Variants in IGSF11 observed in about 807,000 individuals in gnomAD.
IGSF11 encodes the protein immunoglobulin superfamily member 11, also known as CXADR like 1.
In IGSF11, 22 loss-of-function variants were observed where a neutral mutation model predicts 41.0. That is an observed-to-expected ratio of 0.54 (90% CI 0.38 to 0.77). The LOEUF is 0.77. Among genes scored for constraint, IGSF11 ranks in the 30% least tolerant of loss-of-function variants. IGSF11 has a pLI of 0.00. For missense variants in IGSF11, 444 were observed against 530.8 expected, an observed-to-expected ratio of 0.84 and a Z score of 1.61; for synonymous variants, 219 against 201.3, an observed-to-expected ratio of 1.09 and a Z score of -0.74.
intron 1 of IGSF11, among the ~76,000 whole-genome samples, chr3:118,998,275 T>G (rs1936465640): frequency 6.6e-6 from 1 of 152,112 alleles, no homozygotes; most frequent in East Asian, 1.9e-4. Flanking sequence ...TTACACTTGG[T>G]TTTAAATCAA....
At chr3:119,004,345 TTC>T (rs940505640) in intron 1 of IGSF11, among the ~76,000 whole-genome samples, 9 of 128,480 alleles carry the variant, frequency 7.0e-5, no homozygotes, top group South Asian at 2.6e-4. Flanking sequence ...TATTTGATTC[TTC>T]TCTCTTTTTT....
chr3:118,981,163 A>C (rs892480829), intron 1 of IGSF11, among the ~76,000 whole-genome samples: 7 of 151,932 alleles, frequency 4.6e-5, no homozygotes, highest in African/African-American at 1.7e-4. Context: ...TTTGGCATCC[A>C]TTTTATTTTA....
intron 1 of IGSF11, among the ~76,000 whole-genome samples, chr3:119,139,888 A>G (rs984885502): frequency 5.3e-5 from 8 of 152,234 alleles, no homozygotes; most frequent in African/African-American, 1.7e-4. Flanking sequence ...GGAACATAGT[A>G]TACTGGAGCA....
chr3:118,988,886 C>T (rs997317007), intron 1 of IGSF11, among the ~76,000 whole-genome samples: 4 of 152,194 alleles, frequency 2.6e-5, no homozygotes, highest in Non-Finnish European at 4.4e-5. Context: ...CACGTTACAA[C>T]ATTAATATCT....
intron 1 of IGSF11, among the ~76,000 whole-genome samples, chr3:119,045,936 G>C (rs953747614): frequency 1.3e-5 from 2 of 151,992 alleles, no homozygotes; most frequent in African/African-American, 4.8e-5. Flanking sequence ...TGAGGGTCCT[G>C]TCTGTTAGAA....
intron 1 of IGSF11, among the ~76,000 whole-genome samples, chr3:119,016,996 C>T (rs1222501827): frequency 7.9e-6 from 1 of 126,996 alleles, no homozygotes; most frequent in Non-Finnish European, 1.6e-5. Context: ...TTACAGTAAA[C>T]AGATATGGGC....
intron 1 of IGSF11, among the ~76,000 whole-genome samples, chr3:119,044,285 C>T (rs547439148): frequency 6.6e-6 from 1 of 152,038 alleles, no homozygotes; most frequent in South Asian, 2.1e-4. Context: ...TTTCAGCAAT[C>T]AAATCGAACA....
At position 118,902,654 on chromosome 3, in the gene IGSF11, T is replaced by C. The variant is rs1467782435; in HGVS notation, c.1162A>G (p.Ser388Gly). The change falls in exon 7 of 7, where the codon AGC becomes GGC. Residue 388 changes from serine (S) to glycine (G), a missense_variant. Physicochemically the swap from Ser to Gly is moderately conservative, Grantham distance 56. Transcript: ENST00000393775. Reference protein sequence around the residue: ...RGSSPQVMSRSNGSVSRKPRP... With the variant: ...RGSSPQVMSRGNGSVSRKPRP... ...GGCTTCCTACTGACTGAGCCATTGC[T>C]CCTGGACATCACCTGTGGTGATGAC... 6.2e-7 allele frequency: 1 copy of C among 1,614,140 alleles called. No individual in the cohort carries two copies. The highest frequency in any genetic ancestry group is 1.1e-5 in the South Asian group (1 of 91,080).
chr3:119,107,083 A>G (rs2077043981), upstream of IGSF11, among the ~76,000 whole-genome samples: 1 of 152,238 alleles, frequency 6.6e-6, no homozygotes, highest in Non-Finnish European at 1.5e-5. Flanking sequence ...CATGATTTAT[A>G]GTCCTTTGGG....
intron 1 of IGSF11, among the ~76,000 whole-genome samples, chr3:119,137,495 G>T (rs1235674466): frequency 6.6e-6 from 1 of 152,158 alleles, no homozygotes; most frequent in Non-Finnish European, 1.5e-5. Context: ...AATAAATGAT[G>T]CAGGGAAAAT....
At chr3:118,938,025 T>C (rs1376296765) in intron 1 of IGSF11, among the ~76,000 whole-genome samples, 5 of 149,964 alleles carry the variant, frequency 3.3e-5, no homozygotes, top group South Asian at 4.2e-4. Context: ...CTCTCTCTCA[T>C]ATATATATAT....
At chr3:118,925,401 C>T (rs987331591) in intron 4 of IGSF11, among the ~76,000 whole-genome samples, 10 of 152,146 alleles carry the variant, frequency 6.6e-5, no homozygotes, top group African/African-American at 2.4e-4. Flanking sequence ...GAAACATTTT[C>T]TGTATTAGAG....
At chr3:118,955,502 T>C (rs935389376) in intron 1 of IGSF11, among the ~76,000 whole-genome samples, 4 of 152,082 alleles carry the variant, frequency 2.6e-5, no homozygotes, top group African/African-American at 7.2e-5. Flanking sequence ...AGGTGAGAGA[T>C]GAGGATCCAG....
chr3:119,048,474 A>G (rs1478184786), intron 1 of IGSF11, among the ~76,000 whole-genome samples: 1 of 152,246 alleles, frequency 6.6e-6, no homozygotes, highest in African/African-American at 2.4e-5. Context: ...GAATAAACCA[A>G]TAACAGGATC....
rs569168479 is a variant in IGSF11 at position 119,007,399 on chromosome 3, T to A, written c.52+27132A>T. Among the ~76,000 whole-genome samples, 8 of 150,612 alleles carry A rather than the reference T, an allele frequency of 5.3e-5. No individual in the cohort carries two copies. The South Asian group carries it at 1.7e-3, about 32-fold the overall frequency. ...AGTGAGATGAACCCGGTACCTCAGA[T>A]GGAAATGCAGAAATCACCCGTCTTC... On this transcript the variant is annotated intron_variant, in intron 1 of 6. Transcript: ENST00000393775.
chr3:118,953,367 A>C lies in IGSF11; in HGVS notation c.53-23092T>G, dbSNP rs550097339. 6.6e-5 allele frequency among the ~76,000 whole-genome samples: 10 copies of C among 152,292 alleles called. No individual in the cohort carries two copies. In the South Asian group the frequency reaches 2.1e-3, roughly 32 times the overall value. On this transcript the variant is annotated intron_variant, in intron 1 of 6. Transcript: ENST00000393775. Reference sequence around the variant, plus strand: ...GTGCTGCTATAAACACACATGTGAAAGTATCTTTTTGTATAATGACTTCTT... The same window carrying C: ...GTGCTGCTATAAACACACATGTGAACGTATCTTTTTGTATAATGACTTCTT...
chr3:119,083,197 A>G (rs2076612580), intron 1 of IGSF11, among the ~76,000 whole-genome samples: 1 of 142,236 alleles, frequency 7.0e-6, no homozygotes, highest in South Asian at 2.1e-4. Context: ...CAGTGGCATG[A>G]TCTTGCTGCG....
At chr3:119,108,275 T>C (rs1389392336), upstream of IGSF11, among the ~76,000 whole-genome samples, 1 of 146,938 alleles carries the variant, frequency 6.8e-6, no homozygotes, top group East Asian at 2.1e-4. Context: ...GAGCAGTGGT[T>C]TGTAGTTGTC....
chr3:119,050,190 G>A (rs868014302), intron 1 of IGSF11, among the ~76,000 whole-genome samples: 2,265 of 151,602 alleles, frequency 0.015, 62 homozygotes, highest in African/African-American at 0.05. Context: ...AGCAAAAGAA[G>A]CTACCATCAG....
Sources: allele counts gnomAD v4.1 joint callset (sites outside exome capture counted in the v4.1 genomes callset), GRCh38; gene constraint gnomAD v4.1.1; transcripts MANE v1.5; gene names NCBI Gene and HGNC (gene_info 2026-07-23, HGNC 2026-07-21).